Variants in FAM110B observed in about 807,000 individuals in gnomAD.
FAM110B encodes the protein family with sequence similarity 110 member B.
A neutral mutation model predicts 20.4 loss-of-function variants in FAM110B; 6 were observed. The observed-to-expected ratio is 0.29, with a 90% CI of 0.16 to 0.58. FAM110B has a LOEUF of 0.58. Ranked by LOEUF, FAM110B falls within the 20% of genes least tolerant of loss-of-function variation. FAM110B has a pLI of 0.90. For missense variants in FAM110B, 434 were observed against 498.2 expected (o/e 0.87, Z 1.23); for synonymous variants, 226 against 214.1 (o/e 1.06, Z -0.49).
intron 1 of FAM110B, among the ~76,000 whole-genome samples, chr8:58,025,116 A>G (rs1804828308): frequency 6.6e-6 from 1 of 152,202 alleles, no homozygotes; most frequent in Non-Finnish European, 1.5e-5. Context: ...AGTGATTAAG[A>G]TAACCAGGCA....
At chr8:58,034,936 T>C (rs1332458709) in intron 2 of FAM110B, among the ~76,000 whole-genome samples, 1 of 152,164 alleles carries the variant, frequency 6.6e-6, no homozygotes, top group African/African-American at 2.4e-5. Context: ...CTAATAGTAG[T>C]AGGGAAGAAT....
chr8:58,141,344 A>G (rs1206325935), intron 3 of FAM110B, among the ~76,000 whole-genome samples: 2 of 152,202 alleles, frequency 1.3e-5, no homozygotes, highest in African/African-American at 4.8e-5. Flanking sequence ...TGCTTCTTTT[A>G]TTTGCTCCCA....
chr8:58,066,398 G>T (rs1805762536), intron 2 of FAM110B, among the ~76,000 whole-genome samples: 2 of 152,222 alleles, frequency 1.3e-5, no homozygotes, highest in African/African-American at 4.8e-5. Context: ...CATGGCACAG[G>T]GATGCCAAGT....
At chr8:58,062,383 A>C (rs1805674863) in intron 2 of FAM110B, among the ~76,000 whole-genome samples, 1 of 152,228 alleles carries the variant, frequency 6.6e-6, no homozygotes, top group African/African-American at 2.4e-5. Flanking sequence ...GATGGAATAG[A>C]GCTCAGTTTG....
chr8:58,076,337 G>A (rs754710957), intron 3 of FAM110B, among the ~76,000 whole-genome samples: 5 of 152,158 alleles, frequency 3.3e-5, no homozygotes, highest in Non-Finnish European at 5.9e-5. Context: ...TGGGTGACCC[G>A]CAGAGATCTT....
At chr8:58,076,042 T>C (rs1443426523) in intron 3 of FAM110B, among the ~76,000 whole-genome samples, 5 of 152,128 alleles carry the variant, frequency 3.3e-5, no homozygotes, top group Admixed American at 2.0e-4. Flanking sequence ...ATTGCAGCCT[T>C]GAACTCCTGG....
intron 3 of FAM110B, chr8:58,091,470 C>T (rs1806475812): frequency 6.6e-6 from 1 of 152,164 alleles, no homozygotes; most frequent in Non-Finnish European, 1.5e-5. Flanking sequence ...AGCACAACCC[C>T]ATGAAGGGTT....
intron 3 of FAM110B, among the ~76,000 whole-genome samples, chr8:58,093,972 T>C (rs999355203): frequency 6.6e-6 from 1 of 152,206 alleles, no homozygotes; most frequent in African/African-American, 2.4e-5. Flanking sequence ...ACAGCCCTTG[T>C]AAGTTGTATT....
chr8:57,998,429 C>CTTAAGTACATCAGAGGGGATTATGATGAT, intron 1 of FAM110B, among the ~76,000 whole-genome samples: 1 of 152,168 alleles, frequency 6.6e-6, no homozygotes, highest in African/African-American at 2.4e-5. Context: ...ATTTTGATCA[C>CTTAAGTACATCAGAGGGGATTATGATGAT]TTAAGTACAT....
Position 58,083,276 on chromosome 8 carries a change from G to A in FAM110B, c.-325+7653G>A, listed in dbSNP as rs569523124. On this transcript the variant is annotated intron_variant, in intron 3 of 3. Coordinates refer to ENST00000519262, the MANE Select transcript of FAM110B (RefSeq NM_001377989.1). Reference sequence around the variant, plus strand: ...AAATGAAGTCAGAAACAAAAGAGGAGAAGAAACAGAAGAAACTGGGTTATT... The same window carrying A: ...AAATGAAGTCAGAAACAAAAGAGGAAAAGAAACAGAAGAAACTGGGTTATT... 3.9e-5 allele frequency among the ~76,000 whole-genome samples: 6 copies of A among 152,254 alleles called. No homozygotes were observed. In the South Asian group the frequency reaches 1.0e-3, roughly 26 times the overall value.
At chr8:58,021,348 A>T (rs1019979835) in intron 1 of FAM110B, among the ~76,000 whole-genome samples, 3 of 152,214 alleles carry the variant, frequency 2.0e-5, no homozygotes, top group Non-Finnish European at 4.4e-5. Context: ...TCTGAAAGGC[A>T]GTAAAAAAAT....
chr8:58,146,921 G>T lies in FAM110B; in HGVS notation c.691G>T (p.Ala231Ser), dbSNP rs758690171. ...APPLPPKPKIAAIASMKSPEA... is the reference protein window; with the variant it reads ...APPLPPKPKISAIASMKSPEA... The stretch of plus-strand genomic sequence containing the variant: ...TCCCCTGCCTCCCAAGCCCAAAATC[G>T]CAGCCATCGCCTCCATGAAGTCCCC... The change falls in exon 4 of 4, where the codon GCA becomes TCA. Residue 231 changes from alanine (A) to serine (S), a missense_variant. This residue lies in a region of FAM110B where 284 missense variants were observed against 278.3 expected (regional missense o/e 1.02). Coordinates refer to ENST00000519262, the MANE Select transcript of FAM110B (RefSeq NM_001377989.1). 10 of 1,614,034 alleles carry T rather than the reference G, an allele frequency of 6.2e-6. No individual in the cohort carries two copies. The African/African-American group carries it at 1.2e-4, about 19-fold the overall frequency.
intron 3 of FAM110B, among the ~76,000 whole-genome samples, chr8:58,100,701 G>A (rs973199996): frequency 2.0e-5 from 3 of 152,136 alleles, no homozygotes; most frequent in African/African-American, 7.2e-5. Flanking sequence ...CAGTCTTATT[G>A]GATGAGGGGC....
At chr8:58,103,083 T>G (rs1354474896) in intron 3 of FAM110B, among the ~76,000 whole-genome samples, 3 of 152,002 alleles carry the variant, frequency 2.0e-5, no homozygotes, top group Admixed American at 1.3e-4. Context: ...GTTTAAAATT[T>G]GCTGAACTTT....
intron 1 of FAM110B, among the ~76,000 whole-genome samples, chr8:58,005,871 C>T (rs541101738): frequency 6.6e-6 from 1 of 152,210 alleles, no homozygotes; most frequent in South Asian, 2.1e-4. Flanking sequence ...TGTTCTGAAA[C>T]TTGAAAATAA....
At chr8:57,996,364 C>A (rs1381007209) in intron 1 of FAM110B, among the ~76,000 whole-genome samples, 1 of 152,082 alleles carries the variant, frequency 6.6e-6, no homozygotes, top group South Asian at 2.1e-4. Flanking sequence ...GTGTTATTTT[C>A]TGTTTGGAAA....
At chr8:58,118,452 T>C (rs937039987) in intron 3 of FAM110B, among the ~76,000 whole-genome samples, 1 of 152,184 alleles carries the variant, frequency 6.6e-6, no homozygotes, top group Non-Finnish European at 1.5e-5. Context: ...GGAGACCAAA[T>C]TTCCGGTTGG....
chr8:58,025,286 A>G (rs1364823252), intron 1 of FAM110B, among the ~76,000 whole-genome samples: 2 of 152,192 alleles, frequency 1.3e-5, no homozygotes, highest in Admixed American at 6.5e-5. Context: ...CACTGTCTGA[A>G]CTAGGGGGGC....
chr8:58,089,506 T>C (rs534337373), intron 3 of FAM110B, among the ~76,000 whole-genome samples: 1 of 152,226 alleles, frequency 6.6e-6, no homozygotes, highest in Non-Finnish European at 1.5e-5. Context: ...CCTTGTCACT[T>C]CTTCCCTATT....
Sources: allele counts gnomAD v4.1 joint callset (sites outside exome capture counted in the v4.1 genomes callset), GRCh38; gene constraint gnomAD v4.1.1; regional missense constraint gnomAD v4.1.1; transcripts MANE v1.5; gene names NCBI Gene and HGNC (gene_info 2026-07-23, HGNC 2026-07-21).